The following VWA3B variants were observed in gnomAD, a reference collection of about 807,000 sequenced individuals.
VWA3B encodes the protein von Willebrand factor A domain containing 3B.
A neutral mutation model predicts 158.3 loss-of-function variants in VWA3B; 138 were observed. The ratio of observed to expected loss-of-function variants is 0.87; its 90% CI spans 0.76 to 1.00. VWA3B has a LOEUF of 1.00. Among genes scored for constraint, VWA3B ranks in the 50% least tolerant of loss-of-function variants. The pLI is 0.00. For synonymous variants in VWA3B, 596 were observed against 587.3 expected, an observed-to-expected ratio of 1.01 and a Z score of -0.21; for missense variants, 1,555 against 1,565.1, an observed-to-expected ratio of 0.99 and a Z score of 0.11.
intron 12 of VWA3B, among the ~76,000 whole-genome samples, chr2:98,199,159 A>G (rs958651798): frequency 5.9e-5 from 9 of 151,862 alleles, no homozygotes; most frequent in Non-Finnish European, 8.8e-5. Context: ...AACTTATTTC[A>G]TGAATCAAGA....
At chr2:98,157,606 G>C (rs938213904) in intron 7 of VWA3B, among the ~76,000 whole-genome samples, 4 of 152,082 alleles carry the variant, frequency 2.6e-5, no homozygotes, top group African/African-American at 9.7e-5. Context: ...ATGTTATATC[G>C]CTTTCTGAAA....
intron 24 of VWA3B, among the ~76,000 whole-genome samples, chr2:98,299,692 C>T (rs926222729): frequency 6.6e-6 from 1 of 152,214 alleles, no homozygotes; most frequent in Non-Finnish European, 1.5e-5. Context: ...ATAAACAAAC[C>T]TCTCCCTTTC....
rs558633476 is a variant in VWA3B at position 98,260,887 on chromosome 2, T to C, written c.2843+4713T>C. Among the ~76,000 whole-genome samples, 6 of 151,878 alleles carry C rather than the reference T, an allele frequency of 4.0e-5. No individual in the cohort carries two copies. The South Asian group carries it at 1.2e-3, about 31-fold the overall frequency. ...TTACTATTTCCATGGAATATCTTTTTTCATCCTTTCGCTTTTAACCTATTT... is the reference window on the plus strand; with the variant it reads ...TTACTATTTCCATGGAATATCTTTTCTCATCCTTTCGCTTTTAACCTATTT... On this transcript the variant is annotated intron_variant, in intron 21 of 27. Coordinates refer to ENST00000477737, the MANE Select transcript of VWA3B (RefSeq NM_144992.5).
At chr2:98,169,654 G>A (rs1679406283) in intron 8 of VWA3B, among the ~76,000 whole-genome samples, 1 of 151,648 alleles carries the variant, frequency 6.6e-6, no homozygotes, top group Non-Finnish European at 1.5e-5. Flanking sequence ...TAGAAGAGAA[G>A]GAGAGTCACT....
chr2:98,155,597 C>T (rs779047724), intron 7 of VWA3B, among the ~76,000 whole-genome samples: 1 of 152,178 alleles, frequency 6.6e-6, no homozygotes, highest in African/African-American at 2.4e-5. Context: ...GTTCCCAGCA[C>T]GGTGGCACAT....
At chr2:98,209,432 C>A (rs1217934195) in intron 12 of VWA3B, among the ~76,000 whole-genome samples, 1 of 152,086 alleles carries the variant, frequency 6.6e-6, no homozygotes, top group Non-Finnish European at 1.5e-5. Flanking sequence ...AGGCACCCAC[C>A]ACCACGCCAG....
chr2:98,228,078 C>T (rs1245114161), intron 14 of VWA3B, 124 bp from the exon 15 acceptor site: 3 of 1,103,770 alleles, frequency 2.7e-6, no homozygotes, highest in Non-Finnish European at 2.5e-6. Context: ...CACTTGAGCC[C>T]AGGAGCTCAA....
Position 98,110,214 on chromosome 2 carries a change from A to AT in VWA3B, c.197-5432dup, listed in dbSNP as rs561590645. On this transcript the variant is annotated intron_variant, in intron 2 of 27. Coordinates refer to ENST00000477737, the MANE Select transcript of VWA3B (RefSeq NM_144992.5). Reference sequence around the variant, plus strand: ...AGGCTCTGTTCAGCTTTCTCAGGCTATTTTTTCCCTCTTGTCTAGATTGGG... The same window carrying AT: ...AGGCTCTGTTCAGCTTTCTCAGGCTATTTTTTTCCCTCTTGTCTAGATTGGG... Among the ~76,000 whole-genome samples, 13 of 150,692 alleles carry AT rather than the reference A, an allele frequency of 8.6e-5. No homozygotes were observed. The East Asian group carries it at 2.5e-3, about 29-fold the overall frequency.
chr2:98,230,140 G>A lies in VWA3B; in HGVS notation c.2241G>A (p.Leu747=), dbSNP rs755683549. Residue 747 remains leucine, a synonymous_variant, in exon 16 of 28, where the codon CTG becomes CTA. Coordinates refer to ENST00000477737, the MANE Select transcript of VWA3B (RefSeq NM_144992.5). ...TCGATTCAACACAAACTTCATCTCT[G>A]AATATGTTGAAGGGACCATGGGGCC... ...SDVDSTQTSS[L]NMLKGPWGLS... 26 of 1,611,652 alleles carry A rather than the reference G, an allele frequency of 1.6e-5. No individual in the cohort carries two copies. The highest frequency in any genetic ancestry group is 3.3e-4 in the Middle Eastern group (2 of 6,054).
At chr2:98,172,159 C>T (rs1679644577) in intron 8 of VWA3B, among the ~76,000 whole-genome samples, 1 of 152,238 alleles carries the variant, frequency 6.6e-6, no homozygotes, top group Non-Finnish European at 1.5e-5. Flanking sequence ...TGGGTTCTTG[C>T]CTTGGTGTAC....
intron 27 of VWA3B, 29 bp from the exon 28 acceptor site, chr2:98,312,171 T>A: frequency 1.2e-6 from 2 of 1,614,182 alleles, no homozygotes; most frequent in African/African-American, 2.7e-5. Context: ...CCTAACATCC[T>A]TAAGTAATGC....
At position 98,182,968 on chromosome 2, in the gene VWA3B, C is replaced by T. The variant is rs112712564; in HGVS notation, c.1311+1756C>T. Among the ~76,000 whole-genome samples the T allele has an allele frequency of 4.6e-3, 707 of 152,254 alleles. 4 individuals are homozygous for T. Among genetic ancestry groups the T allele is most frequent in the African/African-American group, 0.016 (671 of 41,560 alleles). The stretch of plus-strand genomic sequence containing the variant: ...GATATTTCAAAATATTAATCCCCAT[C>T]AATTTGAACATAGCTTACTGCAAAC... On this transcript the variant is annotated intron_variant, in intron 9 of 27. Transcript: ENST00000477737.
chr2:98,128,945 G>A (rs1270421366), intron 6 of VWA3B, among the ~76,000 whole-genome samples: 1 of 152,254 alleles, frequency 6.6e-6, no homozygotes, highest in Non-Finnish European at 1.5e-5. Flanking sequence ...TCCCGGCTGA[G>A]CCGGTGCTTC....
chr2:98,206,623 A>G, intron 12 of VWA3B: 1 of 408,370 alleles, frequency 2.4e-6, no homozygotes, highest in South Asian at 2.3e-5. Context: ...GTCCCATCAA[A>G]ATGAAACAGT....
At chr2:98,145,129 C>T (rs760030384) in intron 7 of VWA3B, among the ~76,000 whole-genome samples, 23 of 152,218 alleles carry the variant, frequency 1.5e-4, no homozygotes, top group Non-Finnish European at 3.4e-4. Context: ...TGTCTCAATG[C>T]TGGCTGCTGT....
At chr2:98,122,531 T>C (rs1675046272) in intron 5 of VWA3B, among the ~76,000 whole-genome samples, 1 of 152,232 alleles carries the variant, frequency 6.6e-6, no homozygotes, top group South Asian at 2.1e-4. Flanking sequence ...AGATACAAGC[T>C]AGTTTGTTCC....
At chr2:98,252,032 G>A (rs770923728) in intron 20 of VWA3B, among the ~76,000 whole-genome samples, 2 of 152,126 alleles carry the variant, frequency 1.3e-5, no homozygotes, top group Admixed American at 1.3e-4. Flanking sequence ...CTCCCAGCTC[G>A]GCTCCTCTCC....
chr2:98,245,573 G>A (rs529051037), intron 19 of VWA3B: 1 of 456,868 alleles, frequency 2.2e-6, no homozygotes, highest in Non-Finnish European at 4.4e-6. Flanking sequence ...GGCCACGAAA[G>A]GCATGAGGTT....
chr2:98,103,233 A>G (rs1034699775), intron 2 of VWA3B, among the ~76,000 whole-genome samples: 1 of 152,146 alleles, frequency 6.6e-6, no homozygotes, highest in Non-Finnish European at 1.5e-5. Flanking sequence ...CTTTTCAAAG[A>G]AACACATTTT....
Sources: allele counts gnomAD v4.1 joint callset (sites outside exome capture counted in the v4.1 genomes callset), GRCh38; gene constraint gnomAD v4.1.1; transcripts MANE v1.5; gene names NCBI Gene and HGNC (gene_info 2026-07-23, HGNC 2026-07-21).